PIP4K2A: variants seen among roughly 807,000 people sequenced by gnomAD.
PIP4K2A encodes phosphatidylinositol 5-phosphate 4-kinase type-2 alpha.
A neutral mutation model predicts 42.9 loss-of-function variants in PIP4K2A; 14 were observed. The observed-to-expected ratio is 0.33, with a 90% confidence interval of 0.22 to 0.51. PIP4K2A has a LOEUF of 0.51. Ranked by LOEUF, PIP4K2A falls within the 20% of genes least tolerant of loss-of-function variation. The probability of loss-of-function intolerance (pLI) is 0.97; values close to 1 mark genes in which losing one functional copy is unlikely to be tolerated. For missense variants in PIP4K2A, 434 were observed against 519.8 expected, an observed-to-expected ratio of 0.83 and a Z score of 1.61; for synonymous variants, 192 against 192.2, an observed-to-expected ratio of 1.00 and a Z score of 0.01.
rs1031318893 is a variant in PIP4K2A, at chr10:22,540,358, C to T, written c.1037-284G>A. ...CAACAGTGGAGATCCAACGGTGGAA[C>T]GGAGTCTTTTTTTTTTTTTAATTTG... is the stretch of plus-strand genomic sequence containing the variant. On this transcript the variant is annotated intron_variant, in intron 8 of 9. Transcript: ENST00000376573. 4.6e-5 allele frequency among the ~76,000 whole-genome samples: 7 copies of T among 151,076 alleles called. No homozygotes were observed. In the South Asian group the frequency reaches 6.3e-4, roughly 14 times the overall value.
intron 1 of PIP4K2A, among the ~76,000 whole-genome samples, chr10:22,685,161 A>G (rs564846769): frequency 4.6e-5 from 7 of 152,264 alleles, no homozygotes; most frequent in Admixed American, 2.0e-4. Flanking sequence ...TTATGAGATA[A>G]GAAGTACAAC....
At chr10:22,675,099 C>T (rs978514038) in intron 1 of PIP4K2A, among the ~76,000 whole-genome samples, 7 of 152,170 alleles carry the variant, frequency 4.6e-5, no homozygotes, top group African/African-American at 1.2e-4. Flanking sequence ...ATCACTGATA[C>T]GTGACATCTT....
At chr10:22,682,559 C>A (rs1023241297) in intron 1 of PIP4K2A, among the ~76,000 whole-genome samples, 1 of 152,192 alleles carries the variant, frequency 6.6e-6, no homozygotes, top group Non-Finnish European at 1.5e-5. Flanking sequence ...ATCAACTTGA[C>A]ACTTGAGAGT....
At chr10:22,546,242 G>A (rs966786765) in intron 7 of PIP4K2A, among the ~76,000 whole-genome samples, 1 of 152,130 alleles carries the variant, frequency 6.6e-6, no homozygotes, top group Non-Finnish European at 1.5e-5. Context: ...AAAAAATATG[G>A]TGCCTCACAC....
intron 1 of PIP4K2A, among the ~76,000 whole-genome samples, chr10:22,652,832 G>T (rs900906139): frequency 4.6e-5 from 7 of 152,164 alleles, no homozygotes; most frequent in Non-Finnish European, 1.0e-4. Flanking sequence ...AGTGGCTCAC[G>T]CCTACAAGCC....
chr10:22,627,598 A>T (rs1838471568), intron 1 of PIP4K2A, among the ~76,000 whole-genome samples: 2 of 40,044 alleles, frequency 5.0e-5, no homozygotes, highest in South Asian at 8.5e-4. Context: ...TAATAAAAAA[A>T]AAAAAAAAAA....
rs369001405 is a variant in PIP4K2A, at chr10:22,601,342, CAGGTGGTGGT to C, written c.339+6575_339+6584del. On this transcript the variant is annotated intron_variant, in intron 3 of 9. Coordinates refer to ENST00000376573, the MANE Select transcript of PIP4K2A (RefSeq NM_005028.5). Reference sequence around the variant, plus strand: ...GGAAGCCTGGGGTCCCAGGTGGGGGCAGGTGGTGGTAGGAACAGTAATTTGCTCAGTTCAT... The same window carrying C: ...GGAAGCCTGGGGTCCCAGGTGGGGGCAGGAACAGTAATTTGCTCAGTTCAT... Among the ~76,000 whole-genome samples, 359 of 152,046 alleles carry C rather than the reference CAGGTGGTGGT, an allele frequency of 2.4e-3. 2 individuals carry two copies. Among genetic ancestry groups the C allele is most frequent in the African/African-American group, 8.2e-3 (341 of 41,484 alleles).
chr10:22,634,793 T>A (rs1016496200), intron 1 of PIP4K2A, among the ~76,000 whole-genome samples: 1 of 152,156 alleles, frequency 6.6e-6, no homozygotes, highest in African/African-American at 2.4e-5. Flanking sequence ...ATAAATCATC[T>A]CTAATGTCAC....
chr10:22,683,004 CTTCT>C (rs1355849299), intron 1 of PIP4K2A, among the ~76,000 whole-genome samples: 5 of 151,902 alleles, frequency 3.3e-5, no homozygotes, highest in African/African-American at 1.2e-4. Context: ...CTTTCAGATC[CTTCT>C]TTATTTTTGC....
chr10:22,621,192 C>T (rs759190263), intron 1 of PIP4K2A, among the ~76,000 whole-genome samples: 1 of 152,120 alleles, frequency 6.6e-6, no homozygotes. Flanking sequence ...GATCTTGAGG[C>T]CAGCCTAATC....
intron 4 of PIP4K2A, among the ~76,000 whole-genome samples, chr10:22,590,493 T>C (rs1252650210): frequency 6.6e-6 from 1 of 152,234 alleles, no homozygotes; most frequent in African/African-American, 2.4e-5. Flanking sequence ...GCACTTGACA[T>C]GCAATTTCCT....
chr10:22,552,224 C>T lies in PIP4K2A; in HGVS notation c.679-1452G>A, dbSNP rs138831247. Among the ~76,000 whole-genome samples, 162 of 152,138 alleles carry T rather than the reference C, an allele frequency of 1.1e-3. 1 individual carries two copies. In the Middle Eastern group the frequency reaches 0.017, roughly 16 times the overall value. On this transcript the variant is annotated intron_variant, in intron 6 of 9. Transcript: ENST00000376573. Reference sequence around the variant, plus strand: ...TCTGCTGTAAAGGAGTTTGTAATCTCGTACGGGAGAATGATATGAAAGCAC... The same window carrying T: ...TCTGCTGTAAAGGAGTTTGTAATCTTGTACGGGAGAATGATATGAAAGCAC...
At position 22,607,987 on chromosome 10, in the gene PIP4K2A, G is replaced by A. The variant is rs183842371; in HGVS notation, c.279C>T (p.Tyr93=). Residue 93 remains tyrosine, a synonymous_variant, in exon 3 of 10, where the codon TAC becomes TAT. Transcript: ENST00000376573. ...GCAGGTTACGGAAGACCATCGGGCA[G>A]TATTCCTTAAACTTGAAATGGCTCG... ...NMPSHFKFKE[Y]CPMVFRNLRE... is the part of the protein sequence containing the mutation. 915 of 1,613,042 alleles carry A rather than the reference G, an allele frequency of 5.7e-4. 3 individuals are homozygous for A. The highest frequency in any genetic ancestry group is 2.2e-3 in the Admixed American group (134 of 59,970).
chr10:22,678,475 G>T (rs1199609572), intron 1 of PIP4K2A, among the ~76,000 whole-genome samples: 1 of 151,774 alleles, frequency 6.6e-6, no homozygotes, highest in Non-Finnish European at 1.5e-5. Context: ...GTCGTTCTAT[G>T]GGGAAAAGTC....
chr10:22,591,866 C>G, intron 3 of PIP4K2A, 85 bp from the exon 4 acceptor site: 2 of 1,213,962 alleles, frequency 1.6e-6, no homozygotes, highest in Non-Finnish European at 2.2e-6. Context: ...GATAATTTGT[C>G]ATCATTGCAA....
chr10:22,639,271 G>A (rs1001571664), intron 1 of PIP4K2A, among the ~76,000 whole-genome samples: 6 of 151,274 alleles, frequency 4.0e-5, no homozygotes, highest in Non-Finnish European at 5.9e-5. Flanking sequence ...TATCATGCAC[G>A]TAACAAAACC....
chr10:22,584,161 C>T (rs924375443), intron 4 of PIP4K2A, among the ~76,000 whole-genome samples: 17 of 152,002 alleles, frequency 1.1e-4, no homozygotes, highest in Non-Finnish European at 2.4e-4. Context: ...GGTGGGAACT[C>T]TCAGGAGTAA....
intron 3 of PIP4K2A, 79 bp downstream of exon 3, chr10:22,607,848 T>A (rs1021016168): frequency 1.2e-6 from 1 of 810,098 alleles, no homozygotes; most frequent in African/African-American, 1.7e-5. Flanking sequence ...TTGACAAAAA[T>A]ACAGATCCCA....
At chr10:22,680,071 A>G (rs186865725) in intron 1 of PIP4K2A, among the ~76,000 whole-genome samples, 79 of 152,238 alleles carry the variant, frequency 5.2e-4, no homozygotes, top group African/African-American at 1.8e-3. Flanking sequence ...TGTGAATTAT[A>G]TCTCAATAAA....
Sources: allele counts gnomAD v4.1 joint callset (sites outside exome capture counted in the v4.1 genomes callset), GRCh38; gene constraint gnomAD v4.1.1; transcripts MANE v1.5; gene names NCBI Gene and HGNC (gene_info 2026-07-23, HGNC 2026-07-21).